The following MAST4 variants were observed in gnomAD, a reference collection of about 807,000 sequenced individuals.
MAST4 encodes microtubule associated serine/threonine kinase family member 4, also known as microtubule-associated serine/threonine-protein kinase 4.
A neutral mutation model predicts 162.7 loss-of-function variants in MAST4; 89 were observed. The ratio of observed to expected loss-of-function variants is 0.55; its 90% CI spans 0.46 to 0.65. The LOEUF (loss-of-function observed/expected upper bound fraction) is 0.65. Ranked by LOEUF, MAST4 falls within the 30% of genes least tolerant of loss-of-function variation. MAST4 has a pLI of 0.00. For synonymous variants in MAST4, 1,479 were observed against 1,361.1 expected (o/e 1.09, Z -1.91); for missense variants, 3,153 against 3,374.0 (o/e 0.93, Z 1.62).
chr5:67,152,391 T>A (rs541038907), intron 24 of MAST4, among the ~76,000 whole-genome samples: 11 of 152,254 alleles, frequency 7.2e-5, no homozygotes, highest in Non-Finnish European at 1.6e-4. Context: ...TTGAAATTTC[T>A]TTCTCTTTCC....
chr5:67,004,822 A>T (rs1751772136), intron 4 of MAST4: 3 of 591,826 alleles, frequency 5.1e-6, no homozygotes, highest in African/African-American at 1.9e-5. Flanking sequence ...CTTCTCAGAC[A>T]TGCTCCAAGT....
intron 1 of MAST4, among the ~76,000 whole-genome samples, chr5:66,716,317 A>G (rs894545108): frequency 9.9e-5 from 15 of 152,126 alleles, no homozygotes; most frequent in African/African-American, 3.6e-4. Flanking sequence ...GAACAATTTT[A>G]GATTTGATCT....
rs756681397 is a variant in MAST4, at chr5:67,165,966, G to T, written c.6787G>T (p.Gly2263Trp). 1.9e-6 allele frequency: 3 copies of T among 1,613,322 alleles called. No homozygotes were observed. Among genetic ancestry groups the T allele is most frequent in the Non-Finnish European group, 2.5e-6 (3 of 1,179,814 alleles). ...AGGCTCCCAGAACAAAGCCAGCGAT[G>T]GGATTGGCCAGGGAGAAGGTGGGCC... ...TPGSQNKASD[G>W]IGQGEGGPSV... The change falls in exon 29 of 29, where the codon GGG (glycine) becomes TGG (tryptophan). Residue 2263 changes from glycine (G) to tryptophan (W), a missense_variant. By Grantham distance (184) the Gly-to-Trp change is radical. Around this residue, in one of 7 missense-constraint regions of MAST4, gnomAD observed 1,644 missense variants for 1,495.0 expected, o/e 1.10. Coordinates refer to ENST00000403625, the MANE Select transcript of MAST4 (RefSeq NM_001164664.2).
chr5:67,054,493 G>T lies in MAST4; in HGVS notation c.763+1G>T. 6.2e-7 allele frequency: 1 copy of T among 1,601,536 alleles called. No individual in the cohort carries two copies. Among genetic ancestry groups the T allele is most frequent in the Non-Finnish European group, 8.5e-7 (1 of 1,174,730 alleles). ...CACTCACCTCTCTCTGCTCATGCAG[G>T]TAATTGGTTACCATTTCTTGAGTTT... On this transcript the variant is annotated splice_donor_variant, in intron 5 of 28. Coordinates refer to ENST00000403625, the MANE Select transcript of MAST4 (RefSeq NM_001164664.2). LOFTEE classifies it high-confidence loss of function.
intron 1 of MAST4, among the ~76,000 whole-genome samples, chr5:66,663,365 G>A (rs770004837): frequency 1.3e-5 from 2 of 152,162 alleles, no homozygotes; most frequent in African/African-American, 4.8e-5. Context: ...CCTTCATGGA[G>A]TTTCAAATGC....
At chr5:66,627,343 C>A (rs1295690271) in intron 1 of MAST4, among the ~76,000 whole-genome samples, 1 of 152,106 alleles carries the variant, frequency 6.6e-6, no homozygotes, top group Non-Finnish European at 1.5e-5. Context: ...ATTATGGGAA[C>A]TAAAAGATTA....
intron 4 of MAST4, among the ~76,000 whole-genome samples, chr5:66,914,112 A>G (rs1478848746): frequency 6.6e-6 from 1 of 151,924 alleles, no homozygotes; most frequent in Admixed American, 6.6e-5. Context: ...AGTTGCCTTA[A>G]TTGTAGGATC....
At chr5:66,686,098 T>C (rs1435760305) in intron 1 of MAST4, among the ~76,000 whole-genome samples, 1 of 152,140 alleles carries the variant, frequency 6.6e-6, no homozygotes, top group Non-Finnish European at 1.5e-5. Flanking sequence ...GTGGCCTGGG[T>C]GTCGCGGACC....
intron 3 of MAST4, among the ~76,000 whole-genome samples, chr5:66,845,216 C>A (rs1758760136): frequency 7.0e-6 from 1 of 143,316 alleles, no homozygotes; most frequent in South Asian, 2.3e-4. Context: ...TTTGCTGCAC[C>A]CATTAACTCG....
At chr5:66,854,299 C>G (rs1759520287) in intron 3 of MAST4, among the ~76,000 whole-genome samples, 1 of 152,190 alleles carries the variant, frequency 6.6e-6, no homozygotes, top group African/African-American at 2.4e-5. Flanking sequence ...GATTTAATAT[C>G]ATGATTAGTG....
intron 5 of MAST4, among the ~76,000 whole-genome samples, chr5:67,061,998 G>A (rs1759670307): frequency 6.6e-6 from 1 of 152,140 alleles, no homozygotes; most frequent in African/African-American, 2.4e-5. Flanking sequence ...AGATTTTCAT[G>A]CAGTGCTCAA....
At chr5:67,114,005 A>G in intron 11 of MAST4, 82 bp from the exon 12 acceptor site, 2 of 1,520,638 alleles carry the variant, frequency 1.3e-6, no homozygotes, top group Non-Finnish European at 1.8e-6. Flanking sequence ...CCCAGCAGTT[A>G]TATTGTGAAT....
chr5:67,139,127 T>A (rs1013419731), intron 19 of MAST4, among the ~76,000 whole-genome samples: 1 of 152,228 alleles, frequency 6.6e-6, no homozygotes, highest in Non-Finnish European at 1.5e-5. Flanking sequence ...AATTGTCAAG[T>A]GCTTGCCAAA....
chr5:66,758,178 G>C (rs1294786694), intron 1 of MAST4, among the ~76,000 whole-genome samples: 1 of 151,504 alleles, frequency 6.6e-6, no homozygotes, highest in Non-Finnish European at 1.5e-5. Flanking sequence ...AATACTGACC[G>C]GCAATGAGTG....
chr5:66,671,931 A>G (rs187148131), intron 1 of MAST4, among the ~76,000 whole-genome samples: 241 of 152,358 alleles, frequency 1.6e-3, no homozygotes, highest in Non-Finnish European at 2.6e-3. Context: ...TTTAATTTTT[A>G]AAAGCATCTT....
Position 67,163,482 on chromosome 5 carries a change from C to G in MAST4, c.4303C>G (p.Pro1435Ala). 6.2e-7 allele frequency: 1 copy of G among 1,613,114 alleles called. No individual in the cohort carries two copies. Among genetic ancestry groups the G allele is most frequent in the Non-Finnish European group, 8.5e-7 (1 of 1,179,730 alleles). Reference protein sequence around the residue: ...RHIVRPKSAEPPRSPLLKRVQ... With the variant: ...RHIVRPKSAEAPRSPLLKRVQ... The stretch of plus-strand genomic sequence containing the variant: ...CATCGTGAGGCCCAAGAGTGCGGAG[C>G]CCCCCAGGTCCCCGCTGCTCAAGCG... The change falls in exon 29 of 29, where the codon CCC becomes GCC. Residue 1435 changes from proline to alanine, a missense_variant. Pro to Ala is a conservative substitution (Grantham distance 27). This residue lies in a region of MAST4 where 619 missense variants were observed against 744.2 expected (regional missense o/e 0.83). Transcript: ENST00000403625. The surrounding 1 kb of genome is among the most constrained non-coding windows in gnomAD (Gnocchi z 7.0).
At chr5:66,723,931 C>G (rs1344974368) in intron 1 of MAST4, among the ~76,000 whole-genome samples, 1 of 152,122 alleles carries the variant, frequency 6.6e-6, no homozygotes, top group Admixed American at 6.6e-5. Flanking sequence ...CTCCCCTAAG[C>G]AGTTGCTGGA....
intron 3 of MAST4, among the ~76,000 whole-genome samples, chr5:66,878,726 C>T (rs1430719528): frequency 6.6e-6 from 1 of 152,172 alleles, no homozygotes; most frequent in Non-Finnish European, 1.5e-5. Context: ...ACTCTTTTGG[C>T]CTAGATACCA....
At chr5:67,041,425 A>T (rs532114642) in intron 4 of MAST4, among the ~76,000 whole-genome samples, 1 of 152,200 alleles carries the variant, frequency 6.6e-6, no homozygotes, top group Non-Finnish European at 1.5e-5. Flanking sequence ...AACCTCTTGT[A>T]TGAAAACGAA....
Sources: gnomAD v4.1 joint callset for allele counts (sites outside exome capture counted in the v4.1 genomes callset) on GRCh38, gnomAD v4.1.1 for gene constraint, gnomAD v4.1.1 regional missense constraint, Gnocchi (gnomAD v3.1) non-coding constraint, MANE v1.5 for transcripts, NCBI Gene and HGNC (gene_info 2026-07-23, HGNC 2026-07-21) for gene names.